LSAMP: variants seen among roughly 807,000 people sequenced by gnomAD.
LSAMP encodes the protein limbic system associated membrane protein.
In LSAMP, 7 loss-of-function variants were observed where a neutral mutation model predicts 38.6. The observed-to-expected ratio is 0.18, with a 90% CI of 0.10 to 0.34. The LOEUF (loss-of-function observed/expected upper bound fraction) is 0.34. Ranked by LOEUF, LSAMP falls within the 10% of genes least tolerant of loss-of-function variation. The probability of loss-of-function intolerance (pLI) is 1.00; values close to 1 mark genes in which losing one functional copy is unlikely to be tolerated. For synonymous variants in LSAMP, 154 were observed against 166.8 expected (o/e 0.92, Z 0.59); for missense variants, 313 against 420.0 (o/e 0.75, Z 2.23).
intron 1 of LSAMP, among the ~76,000 whole-genome samples, chr3:116,398,857 A>G (rs1418642215): frequency 6.6e-6 from 1 of 152,232 alleles, no homozygotes; most frequent in Non-Finnish European, 1.5e-5. Context: ...ATATAAATGA[A>G]TCCAATAAGA....
chr3:116,333,144 T>TAC, intron 1 of LSAMP, among the ~76,000 whole-genome samples: 1 of 152,118 alleles, frequency 6.6e-6, no homozygotes, highest in Admixed American at 6.6e-5. Flanking sequence ...CCAGACATAT[T>TAC]CAGAATACTC....
At chr3:115,953,475 G>A (rs952021364) in intron 3 of LSAMP, among the ~76,000 whole-genome samples, 2 of 147,306 alleles carry the variant, frequency 1.4e-5, no homozygotes, top group Admixed American at 1.4e-4. Context: ...TAAATTCCTT[G>A]TAGATCAGCA....
intron 1 of LSAMP, among the ~76,000 whole-genome samples, chr3:116,241,467 G>T (rs1363597840): frequency 6.6e-6 from 1 of 152,116 alleles, no homozygotes; most frequent in Admixed American, 6.5e-5. Flanking sequence ...TCGGGAGGGT[G>T]AGGCAGGAGA....
intron 1 of LSAMP, among the ~76,000 whole-genome samples, chr3:116,317,363 T>C (rs1015839211): frequency 6.6e-6 from 1 of 151,126 alleles, no homozygotes; most frequent in African/African-American, 2.4e-5. Flanking sequence ...TTTCTTTTTT[T>C]TTTTTTTTTT....
chr3:116,149,199 C>G (rs967693127), intron 1 of LSAMP, among the ~76,000 whole-genome samples: 2 of 151,756 alleles, frequency 1.3e-5, no homozygotes, highest in African/African-American at 4.8e-5. Flanking sequence ...CCAGGAGACC[C>G]TGCAGTATAG....
rs372814191 is a variant in LSAMP at position 116,387,909 on chromosome 3, C to A, written c.155+56968G>T. 5.3e-5 allele frequency among the ~76,000 whole-genome samples: 8 copies of A among 151,262 alleles called. No homozygotes were observed. The East Asian group carries it at 5.8e-4, about 11-fold the overall frequency. On this transcript the variant is annotated intron_variant, in intron 1 of 6. Coordinates refer to ENST00000490035, the MANE Select transcript of LSAMP (RefSeq NM_002338.5). ...GAGATGGAGACCATCCTGGCTAACA[C>A]GGTGAAACCCCGTCTCTACTAAAAA...
chr3:116,161,597 G>A (rs1014050396), intron 1 of LSAMP, among the ~76,000 whole-genome samples: 2 of 152,236 alleles, frequency 1.3e-5, no homozygotes, highest in East Asian at 1.9e-4. Flanking sequence ...GGCTTCAAGA[G>A]CTCCCCAGAT....
chr3:116,223,928 G>T (rs1319004874), intron 1 of LSAMP, among the ~76,000 whole-genome samples: 1 of 152,010 alleles, frequency 6.6e-6, no homozygotes, highest in East Asian at 1.9e-4. Flanking sequence ...TCCTCCAGGG[G>T]AATATTTTAA....
At chr3:116,291,800 T>G (rs2047271132) in intron 1 of LSAMP, among the ~76,000 whole-genome samples, 1 of 152,144 alleles carries the variant, frequency 6.6e-6, no homozygotes, top group Admixed American at 6.5e-5. Context: ...AACAGACACA[T>G]CCATTTTCAG....
At chr3:116,112,478 A>G (rs1259147626) in intron 1 of LSAMP, among the ~76,000 whole-genome samples, 1 of 152,226 alleles carries the variant, frequency 6.6e-6, no homozygotes, top group East Asian at 1.9e-4. Context: ...TAAATGATCT[A>G]TAAATTAGTA....
intron 2 of LSAMP, among the ~76,000 whole-genome samples, chr3:116,026,445 G>A (rs1940794501): frequency 1.3e-5 from 2 of 152,120 alleles, no homozygotes; most frequent in South Asian, 4.1e-4. Flanking sequence ...CAAAGTCAGG[G>A]ACATAAGTGG....
At chr3:116,206,871 G>A (rs1312728470) in intron 1 of LSAMP, among the ~76,000 whole-genome samples, 2 of 151,046 alleles carry the variant, frequency 1.3e-5, no homozygotes, top group Non-Finnish European at 3.0e-5. Context: ...TGAAAAAAAT[G>A]TATATTCTGT....
At chr3:116,111,007 G>T (rs992715604) in intron 1 of LSAMP, among the ~76,000 whole-genome samples, 8 of 152,072 alleles carry the variant, frequency 5.3e-5, no homozygotes, top group Non-Finnish European at 1.0e-4. Context: ...GTCACAAGGT[G>T]CTCAGTGGGG....
At chr3:116,154,628 T>C (rs1174790127) in intron 1 of LSAMP, among the ~76,000 whole-genome samples, 2 of 152,128 alleles carry the variant, frequency 1.3e-5, no homozygotes, top group Admixed American at 6.6e-5. Flanking sequence ...TGCATTCAGC[T>C]CCACTGGGCT....
At chr3:116,135,902 T>C (rs183776510) in intron 1 of LSAMP, among the ~76,000 whole-genome samples, 7 of 152,312 alleles carry the variant, frequency 4.6e-5, no homozygotes, top group Admixed American at 3.3e-4. Flanking sequence ...TCCTGATTGA[T>C]GAGGCTAATA....
At chr3:115,845,161 T>C (rs1935113527) in intron 4 of LSAMP, among the ~76,000 whole-genome samples, 1 of 152,132 alleles carries the variant, frequency 6.6e-6, no homozygotes. Flanking sequence ...TGAGATAAGA[T>C]TCATAAGTAA....
chr3:116,078,307 C>CTTTAT (rs973330266), intron 2 of LSAMP, among the ~76,000 whole-genome samples: 48 of 140,470 alleles, frequency 3.4e-4, no homozygotes, highest in Non-Finnish European at 5.7e-4. Context: ...ATTTATTTTA[C>CTTTAT]TTTATTTTAT....
At chr3:116,284,370 A>G (rs1354422791) in intron 1 of LSAMP, among the ~76,000 whole-genome samples, 2 of 152,200 alleles carry the variant, frequency 1.3e-5, no homozygotes, top group Non-Finnish European at 2.9e-5. Context: ...TAGTTTTGTG[A>G]TTCTTTTTTA....
intron 1 of LSAMP, among the ~76,000 whole-genome samples, chr3:116,131,425 C>T (rs1255496108): frequency 6.6e-6 from 1 of 152,110 alleles, no homozygotes; most frequent in African/African-American, 2.4e-5. Context: ...GTGACCCAAT[C>T]AGGGTCAGTG....
Sources: allele counts gnomAD v4.1 joint callset (sites outside exome capture counted in the v4.1 genomes callset), GRCh38; gene constraint gnomAD v4.1.1; transcripts MANE v1.5; gene names NCBI Gene and HGNC (gene_info 2026-07-23, HGNC 2026-07-21).